PACS1: variants seen among roughly 807,000 people sequenced by gnomAD.
The protein encoded by PACS1 is PACS-1.
Under a neutral mutation model 115.0 loss-of-function variants are expected in PACS1, and 24 were observed. The observed-to-expected ratio is 0.21, with a 90% CI of 0.15 to 0.29. The LOEUF is 0.29. Among genes scored for constraint, PACS1 ranks in the 10% least tolerant of loss-of-function variants. PACS1 has a pLI of 1.00. For missense variants in PACS1, 838 were observed against 1,251.2 expected (o/e 0.67, Z 4.98); for synonymous variants, 453 against 504.5 (o/e 0.90, Z 1.37).
chr11:66,081,074 G>GA (rs935259952), intron 1 of PACS1, among the ~76,000 whole-genome samples: 5 of 150,848 alleles, frequency 3.3e-5, no homozygotes, highest in Non-Finnish European at 5.9e-5. Context: ...ACAAAAAATA[G>GA]AAAAAAAAAT....
intron 1 of PACS1, among the ~76,000 whole-genome samples, chr11:66,145,246 A>G (rs1859092278): frequency 6.6e-6 from 1 of 152,204 alleles, no homozygotes; most frequent in African/African-American, 2.4e-5. Context: ...CTCCTTGCCT[A>G]AATGGTAGGG....
At chr11:66,149,567 T>C (rs919254651) in intron 1 of PACS1, among the ~76,000 whole-genome samples, 2 of 152,204 alleles carry the variant, frequency 1.3e-5, no homozygotes, top group African/African-American at 4.8e-5. Context: ...AACATACACA[T>C]TTTAAAAAGT....
In PACS1 at chr11:66,238,360, C is replaced by T. The variant is rs529157959; in HGVS notation, c.2251-444C>T. 74 of 984,290 alleles carry T rather than the reference C, an allele frequency of 7.5e-5. No homozygotes were observed. In the South Asian group the frequency reaches 3.2e-3, roughly 43 times the overall value. The allele number at this position is 984,290 out of a possible 1,614,324, so 61.0% of individuals were successfully genotyped here. A position where few individuals can be genotyped will look rare whatever the true frequency, so the allele number is the denominator to read the frequency against. ...CATCACAGTGATTCCTGCCTTCAGC[C>T]CTTTATCCCCAGAGAAGAGCTGCAA... On this transcript the variant is annotated intron_variant, in intron 19 of 23. Coordinates refer to ENST00000320580, the MANE Select transcript of PACS1 (RefSeq NM_018026.4).
chr11:66,233,979 G>T lies in PACS1; in HGVS notation c.1993+40G>T, dbSNP rs371871381. 1.7e-5 allele frequency: 27 copies of T among 1,569,098 alleles called. No individual in the cohort carries two copies. Among genetic ancestry groups the T allele is most frequent in the Non-Finnish European group, 2.3e-5 (26 of 1,154,470 alleles). On this transcript the variant is annotated intron_variant, in intron 16 of 23. Transcript: ENST00000320580. This position sits in a 1 kb window ranked among gnomAD's most constrained non-coding sequence, Gnocchi z 4.5. ...CACCAGGAGGGCGTCGGGCATGAGGGTTCCATAGACAGATGCCTCATCTGG... is the reference window on the plus strand; with the variant it reads ...CACCAGGAGGGCGTCGGGCATGAGGTTTCCATAGACAGATGCCTCATCTGG...
chr11:66,220,370 C>A, intron 8 of PACS1: 1 of 475,540 alleles, frequency 2.1e-6, no homozygotes, highest in Non-Finnish European at 3.8e-6. Flanking sequence ...GGGCGATGGG[C>A]CTCGGGATTC....
intron 2 of PACS1, among the ~76,000 whole-genome samples, chr11:66,199,316 A>G (rs1295976668): frequency 7.0e-6 from 1 of 142,592 alleles, no homozygotes; most frequent in Non-Finnish European, 1.5e-5. Flanking sequence ...CTCCATCTCA[A>G]AAAAAAAAAA....
At chr11:66,183,251 G>A (rs987570735) in intron 1 of PACS1, among the ~76,000 whole-genome samples, 1 of 152,208 alleles carries the variant, frequency 6.6e-6, no homozygotes, top group Non-Finnish European at 1.5e-5. Context: ...TTCTTCAGCA[G>A]TAAGAATATA....
intron 1 of PACS1, among the ~76,000 whole-genome samples, chr11:66,152,649 T>C (rs1174843372): frequency 6.6e-6 from 1 of 152,150 alleles, no homozygotes; most frequent in South Asian, 2.1e-4. Flanking sequence ...AGTGTGACGA[T>C]TGGGTGTTCA....
chr11:66,090,825 A>G (rs1436170315), intron 1 of PACS1, among the ~76,000 whole-genome samples: 2 of 152,214 alleles, frequency 1.3e-5, no homozygotes, highest in Non-Finnish European at 2.9e-5. Flanking sequence ...ATTTTCTTTC[A>G]TATAAATGCA....
intron 1 of PACS1, among the ~76,000 whole-genome samples, chr11:66,177,994 T>C (rs1246352443): frequency 1.3e-5 from 2 of 149,092 alleles, no homozygotes; most frequent in Non-Finnish European, 2.9e-5. Context: ...TAGGTTCCAT[T>C]TTTAATATTT....
At chr11:66,190,901 G>C (rs900553052) in intron 1 of PACS1, among the ~76,000 whole-genome samples, 4 of 152,178 alleles carry the variant, frequency 2.6e-5, no homozygotes, top group African/African-American at 9.7e-5. Context: ...AGGGCACCCA[G>C]GTCACAGGCT....
chr11:66,170,711 G>A (rs1318462118), intron 1 of PACS1, among the ~76,000 whole-genome samples: 2 of 148,520 alleles, frequency 1.3e-5, no homozygotes, highest in Non-Finnish European at 2.9e-5. Context: ...GCTGAGGCAG[G>A]TGGATAGCTT....
At chr11:66,221,057 C>A in intron 9 of PACS1, 97 bp from the exon 10 acceptor site, 1 of 1,204,524 alleles carries the variant, frequency 8.3e-7, no homozygotes, top group Non-Finnish European at 1.2e-6. Flanking sequence ...ACACCTGTAG[C>A]TTGTTGACCC....
Position 66,236,156 on chromosome 11 carries a change from C to T in PACS1, c.2250+216C>T, listed in dbSNP as rs548739396. Among the ~76,000 whole-genome samples, 72 of 152,298 alleles carry T rather than the reference C, an allele frequency of 4.7e-4. No individual in the cohort carries two copies. Among genetic ancestry groups the T allele is most frequent in the African/African-American group, 1.5e-3 (64 of 41,552 alleles). On this transcript the variant is annotated intron_variant, in intron 19 of 23. Transcript: ENST00000320580. This position sits in a 1 kb window ranked among gnomAD's most constrained non-coding sequence, Gnocchi z 4.2. ...GGCCAGGGATGCAGCTGGTCATCCT[C>T]CAGTGCACAGGAGGTCCCGCAGCAG...
intron 1 of PACS1, among the ~76,000 whole-genome samples, chr11:66,088,592 C>T (rs1039480354): frequency 6.6e-6 from 1 of 152,214 alleles, no homozygotes; most frequent in African/African-American, 2.4e-5. Flanking sequence ...GCTTTCTGTT[C>T]TGTACCATCG....
chr11:66,086,277 T>C (rs1857567063), intron 1 of PACS1, among the ~76,000 whole-genome samples: 1 of 151,790 alleles, frequency 6.6e-6, no homozygotes, highest in Non-Finnish European at 1.5e-5. Flanking sequence ...TAGCTGGGAC[T>C]ACAGGCGCCC....
At chr11:66,201,785 G>A (rs973104954) in intron 2 of PACS1, among the ~76,000 whole-genome samples, 42 of 151,688 alleles carry the variant, frequency 2.8e-4, no homozygotes, top group African/African-American at 1.0e-3. Flanking sequence ...TCAGTCTCCT[G>A]AGTAGTTGGG....
Position 66,216,305 on chromosome 11 carries a change from C to T in PACS1, c.805+42C>T, listed in dbSNP as rs770905702. On this transcript the variant is annotated intron_variant, in intron 5 of 23. Transcript: ENST00000320580. ...ATCTGGAGACCCTACGAAGAGGGAG[C>T]CCATCCTGGGAAAGGTGAACAAGAC... The T allele has an allele frequency of 1.2e-5, 19 of 1,608,026 alleles. 1 individual carries two copies. Among genetic ancestry groups the T allele is most frequent in the African/African-American group, 2.7e-5 (2 of 74,784 alleles).
chr11:66,230,235 C>G, intron 11 of PACS1: 1 of 343,024 alleles, frequency 2.9e-6, no homozygotes, highest in Non-Finnish European at 5.4e-6. Context: ...CAGGGAGATG[C>G]ATCTAGGGGT....
Sources: gnomAD v4.1 joint callset for allele counts (sites outside exome capture counted in the v4.1 genomes callset) on GRCh38, gnomAD v4.1.1 for gene constraint, Gnocchi (gnomAD v3.1) non-coding constraint, MANE v1.5 for transcripts, NCBI Gene and HGNC (gene_info 2026-07-23, HGNC 2026-07-21) for gene names.